The following ERBIN variants were observed in gnomAD, a reference collection of about 807,000 sequenced individuals.
ERBIN encodes the protein erbb2 interacting protein, also known as densin-180-like protein.
A neutral mutation model predicts 158.4 loss-of-function variants in ERBIN; 60 were observed. The observed-to-expected ratio is 0.38, with a 90% CI of 0.31 to 0.47. ERBIN has a LOEUF of 0.47. ERBIN is among the 20% of genes least tolerant of loss of function. The pLI is 0.99. For missense variants in ERBIN, 1,610 were observed against 1,648.0 expected, an observed-to-expected ratio of 0.98 and a Z score of 0.40; for synonymous variants, 594 against 557.2, an observed-to-expected ratio of 1.07 and a Z score of -0.93.
chr5:65,940,944 G>T (rs1042966565), intron 1 of ERBIN, among the ~76,000 whole-genome samples: 2 of 152,034 alleles, frequency 1.3e-5, no homozygotes, highest in Non-Finnish European at 2.9e-5. Context: ...AGGTAGACAC[G>T]GGAGACTTTT....
intron 1 of ERBIN, among the ~76,000 whole-genome samples, chr5:65,948,884 C>G (rs1055665343): frequency 3.3e-5 from 5 of 151,342 alleles, no homozygotes; most frequent in African/African-American, 1.2e-4. Context: ...TTGCCTCGGC[C>G]TCTCAGGTAG....
chr5:66,004,393 C>CGT (rs1753348704), intron 4 of ERBIN, among the ~76,000 whole-genome samples: 3 of 150,550 alleles, frequency 2.0e-5, no homozygotes, highest in African/African-American at 7.5e-5. Flanking sequence ...TGTGTGTGCG[C>CGT]GCGCGTGCGT....
At chr5:65,986,307 CA>C (rs1751228250) in intron 1 of ERBIN, among the ~76,000 whole-genome samples, 1 of 152,176 alleles carries the variant, frequency 6.6e-6, no homozygotes, top group African/African-American at 2.4e-5. Flanking sequence ...TTGCTCCTAC[CA>C]TGGTCTTACT....
intron 1 of ERBIN, among the ~76,000 whole-genome samples, chr5:65,948,578 T>C (rs1288872136): frequency 6.6e-6 from 1 of 152,006 alleles, no homozygotes; most frequent in African/African-American, 2.4e-5. Flanking sequence ...TAGTTTACAA[T>C]GGTAGATTTT....
intron 1 of ERBIN, among the ~76,000 whole-genome samples, chr5:65,958,318 AG>A (rs1747491288): frequency 1.3e-5 from 2 of 152,186 alleles, no homozygotes; most frequent in Non-Finnish European, 2.9e-5. Context: ...ACTGCACTCC[AG>A]CCTGGGCAAC....
At chr5:65,927,468 G>C (rs769406600) in intron 1 of ERBIN, among the ~76,000 whole-genome samples, 3 of 152,092 alleles carry the variant, frequency 2.0e-5, no homozygotes, top group Non-Finnish European at 2.9e-5. Flanking sequence ...TTGAAAGCAA[G>C]GATCGACTAG....
chr5:66,075,427 G>A (rs1465603242), intron 23 of ERBIN, among the ~76,000 whole-genome samples, 197 bp downstream of exon 23: 1 of 152,136 alleles, frequency 6.6e-6, no homozygotes, highest in Non-Finnish European at 1.5e-5. Context: ...ATAGGATTTA[G>A]TATTTTGGGC....
chr5:65,973,660 T>G (rs997126369), intron 1 of ERBIN, among the ~76,000 whole-genome samples: 11 of 151,224 alleles, frequency 7.3e-5, no homozygotes, highest in Non-Finnish European at 1.5e-5. Flanking sequence ...AAAATACCAC[T>G]TAAAGAACCG....
intron 1 of ERBIN, among the ~76,000 whole-genome samples, chr5:65,985,668 C>A (rs373428901): frequency 3.3e-5 from 5 of 152,288 alleles, no homozygotes; most frequent in African/African-American, 1.2e-4. Context: ...TTGTTTCTAT[C>A]TATCTGTCTA....
intron 1 of ERBIN, among the ~76,000 whole-genome samples, chr5:65,950,331 T>A (rs1746349305): frequency 1.3e-5 from 2 of 152,292 alleles, no homozygotes; most frequent in Admixed American, 1.3e-4. Flanking sequence ...AATTTCTCAG[T>A]CTTTCCTTGT....
At chr5:66,022,698 A>G (rs1161705475) in intron 8 of ERBIN, among the ~76,000 whole-genome samples, 2 of 152,214 alleles carry the variant, frequency 1.3e-5, no homozygotes, top group African/African-American at 4.8e-5. Context: ...TGTCCTCAAC[A>G]CCATATTATA....
At position 66,053,875 on chromosome 5, in the gene ERBIN, A is replaced by T; in HGVS notation, c.2557A>T (p.Thr853Ser). The change falls in exon 21 of 26, where the codon ACT becomes TCT. Residue 853 changes from threonine to serine, a missense_variant. By Grantham distance (58) the Thr-to-Ser change is moderately conservative (BLOSUM62 1). This residue lies in a region of ERBIN where 1,014 missense variants were observed against 936.1 expected (regional missense o/e 1.08). Coordinates refer to ENST00000284037, the MANE Select transcript of ERBIN (RefSeq NM_001253697.2). ...TGTTGACTTAGGTATTTCCAAAAGC[A>T]CTGAAGATCTCTCCCCTCAGAAAAG... is the stretch of plus-strand genomic sequence containing the variant. ...CSVDLGISKS[T>S]EDLSPQKSGP... 1.9e-6 allele frequency: 3 copies of T among 1,614,136 alleles called. No individual in the cohort carries two copies. Among genetic ancestry groups the T allele is most frequent in the Non-Finnish European group, 2.5e-6 (3 of 1,180,012 alleles).
intron 17 of ERBIN, among the ~76,000 whole-genome samples, chr5:66,045,103 A>G (rs904214431): frequency 1.8e-4 from 27 of 151,946 alleles, no homozygotes; most frequent in Non-Finnish European, 3.8e-4. Context: ...CTGTAGTCCT[A>G]GCTACTTGGG....
rs1258512635 is a variant in ERBIN at position 66,068,785 on chromosome 5, G to A, written c.3634-3384G>A. 9 of 1,134,414 alleles carry A rather than the reference G, an allele frequency of 7.9e-6. No homozygotes were observed. The African/African-American group carries it at 1.4e-4, about 18-fold the overall frequency. 70.3% of individuals were successfully genotyped at this position (1,134,414 alleles called of 1,614,324 possible). On this transcript the variant is annotated intron_variant, in intron 21 of 25. Coordinates refer to ENST00000284037, the MANE Select transcript of ERBIN (RefSeq NM_001253697.2). ...TTGCATGATACTTCTCTGGTTTTGG[G>A]GTTACTTGTAAATAAGTCTACGTAT...
intron 2 of ERBIN, among the ~76,000 whole-genome samples, chr5:65,992,213 G>C (rs1243035031): frequency 6.6e-6 from 1 of 151,858 alleles, no homozygotes; most frequent in Non-Finnish European, 1.5e-5. Flanking sequence ...GCAGTGGCGC[G>C]ATCTCGGCTC....
Position 66,054,137 on chromosome 5 carries a change from C to A in ERBIN, c.2819C>A (p.Thr940Lys). 6.2e-7 allele frequency: 1 copy of A among 1,614,102 alleles called. No homozygotes were observed. Among genetic ancestry groups the A allele is most frequent in the Non-Finnish European group, 8.5e-7 (1 of 1,180,012 alleles). The change falls in exon 21 of 26, where the codon ACA (threonine) becomes AAA (lysine). Residue 940 changes from threonine (T) to lysine (K), a missense_variant. Physicochemically the swap from Thr to Lys is moderately conservative, Grantham distance 78. This residue lies in a region of ERBIN where 1,014 missense variants were observed against 936.1 expected (regional missense o/e 1.08). Transcript: ENST00000284037. Reference sequence around the variant, plus strand: ...TCATCTTCTGATTTAATATCAGGAACAAAGGCAATTTTCAAGTTTGATTCA... The same window carrying A: ...TCATCTTCTGATTTAATATCAGGAAAAAAGGCAATTTTCAAGTTTGATTCA... ...SSSSSDLISG[T>K]KAIFKFDSNH... is the part of the protein sequence containing the mutation.
At chr5:66,063,548 T>C (rs1362935204) in intron 21 of ERBIN, among the ~76,000 whole-genome samples, 1 of 152,084 alleles carries the variant, frequency 6.6e-6, no homozygotes, top group Non-Finnish European at 1.5e-5. Flanking sequence ...CCCACTGTTC[T>C]GCACCCACTG....
At chr5:66,072,421 T>A in intron 22 of ERBIN, 130 bp downstream of exon 22, 2 of 882,002 alleles carry the variant, frequency 2.3e-6, no homozygotes, top group Non-Finnish European at 3.2e-6. Flanking sequence ...TTAGTAAGGA[T>A]TTTTAAAATA....
At chr5:66,045,369 T>C (rs1356060057) in intron 17 of ERBIN, among the ~76,000 whole-genome samples, 1 of 152,132 alleles carries the variant, frequency 6.6e-6, no homozygotes, top group African/African-American at 2.4e-5. Context: ...TAACATGTTA[T>C]ACAGGTTTGT....
Sources: allele counts gnomAD v4.1 joint callset (sites outside exome capture counted in the v4.1 genomes callset), GRCh38; gene constraint gnomAD v4.1.1; regional missense constraint gnomAD v4.1.1; transcripts MANE v1.5; gene names NCBI Gene and HGNC (gene_info 2026-07-23, HGNC 2026-07-21).